The following TNNI3K variants were observed in gnomAD, a reference collection of about 807,000 sequenced individuals.
TNNI3K encodes the protein serine/threonine-protein kinase TNNI3K.
TNNI3K carries 140 observed loss-of-function variants against 114.5 expected under a neutral mutation model. That is an observed-to-expected ratio of 1.22 (90% CI 1.07 to 1.41). The LOEUF (loss-of-function observed/expected upper bound fraction) is 1.41, where lower values mean the gene tolerates loss of function less well. Among genes scored for constraint, TNNI3K ranks in the 40% most tolerant of loss-of-function variants. TNNI3K has a pLI of 0.00. For synonymous variants in TNNI3K, 347 were observed against 347.5 expected (o/e 1.00, Z 0.02); for missense variants, 1,125 against 1,007.6 (o/e 1.12, Z -1.58).
At chr1:74,258,280 C>T (rs570772448) in intron 4 of TNNI3K, among the ~76,000 whole-genome samples, 2 of 151,882 alleles carry the variant, frequency 1.3e-5, no homozygotes, top group South Asian at 4.1e-4. Flanking sequence ...CTCTGTGCAG[C>T]TTCTTCTTCT....
intron 24 of TNNI3K, 86 bp downstream of exon 24, chr1:74,540,399 A>G: frequency 1.6e-6 from 2 of 1,217,806 alleles, no homozygotes; most frequent in East Asian, 4.9e-5. Flanking sequence ...AAAGCATTGC[A>G]TATTGTAATA....
chr1:74,434,834 A>T (rs1666052770), intron 17 of TNNI3K, among the ~76,000 whole-genome samples: 1 of 152,078 alleles, frequency 6.6e-6, no homozygotes, highest in Non-Finnish European at 1.5e-5. Context: ...TCCAAAGATA[A>T]AATCAGTAGC....
chr1:74,377,875 A>G (rs1662988067), intron 17 of TNNI3K, among the ~76,000 whole-genome samples: 1 of 152,022 alleles, frequency 6.6e-6, no homozygotes, highest in African/African-American at 2.4e-5. Flanking sequence ...GGGTTTGTGG[A>G]TCTCTGTCTT....
Position 74,271,552 on chromosome 1 carries a change from C to A in TNNI3K, c.334-46C>A. ...TACATCCTGTTGCACAGCTTTTGAA[C>A]CTGTTATTAGCAGAAAAGTAACACT... On this transcript the variant is annotated intron_variant, in intron 4 of 24. Transcript: ENST00000326637. 4 of 1,522,358 alleles carry A rather than the reference C, an allele frequency of 2.6e-6. No homozygotes were observed. The South Asian group carries it at 3.8e-5, about 15-fold the overall frequency. The allele number at this position is 1,522,358 out of a possible 1,614,324, so 94.3% of individuals were successfully genotyped here.
intron 2 of TNNI3K, among the ~76,000 whole-genome samples, chr1:74,242,592 T>G (rs1654306479): frequency 6.6e-6 from 1 of 152,162 alleles, no homozygotes; most frequent in Non-Finnish European, 1.5e-5. Flanking sequence ...TGTCATCTTA[T>G]AATTAACATA....
At chr1:74,241,891 C>T (rs1654246494) in intron 2 of TNNI3K, among the ~76,000 whole-genome samples, 1 of 151,090 alleles carries the variant, frequency 6.6e-6, no homozygotes, top group Non-Finnish European at 1.5e-5. Flanking sequence ...GCTCTGTCGC[C>T]CAGGCTGGAG....
In TNNI3K at chr1:74,543,064, C is replaced by CTTTTTTTTTTTTTTTTTTTT; in HGVS notation, c.2432-832_2432-813dup. ...CTTTTCCTTTTCTTTTTCTTTTTCC[C>CTTTTTTTTTTTTTTTTTTTT]TTTTTTTTTTTTTTTTTTTTTTTTT... On this transcript the variant is annotated intron_variant, in intron 24 of 24. Coordinates refer to ENST00000326637, the MANE Select transcript of TNNI3K (RefSeq NM_015978.3). Among the ~76,000 whole-genome samples the CTTTTTTTTTTTTTTTTTTTT allele has an allele frequency of 5.3e-3, 36 of 6,750 alleles. 17 individuals are homozygous for CTTTTTTTTTTTTTTTTTTTT. Among genetic ancestry groups the CTTTTTTTTTTTTTTTTTTTT allele is most frequent in the African/African-American group, 5.5e-3 (13 of 2,370 alleles). The allele number at this position is 6,750 out of a possible 152,430, so 4.4% of individuals were successfully genotyped here.
intron 5 of TNNI3K, among the ~76,000 whole-genome samples, chr1:74,315,719 G>A (rs1274908673): frequency 6.6e-6 from 1 of 151,968 alleles, no homozygotes; most frequent in East Asian, 1.9e-4. Flanking sequence ...TCTCCTTTGT[G>A]TTAGTTTCAT....
intron 23 of TNNI3K, among the ~76,000 whole-genome samples, chr1:74,503,500 A>G (rs550209435): frequency 6.6e-6 from 1 of 152,174 alleles, no homozygotes; most frequent in Non-Finnish European, 1.5e-5. Flanking sequence ...TTACTCAGTG[A>G]CACTGTTGAC....
chr1:74,357,954 G>A (rs563898484), intron 11 of TNNI3K, among the ~76,000 whole-genome samples: 1 of 151,426 alleles, frequency 6.6e-6, no homozygotes, highest in Admixed American at 6.6e-5. Flanking sequence ...CTAATCACCA[G>A]TATGGAAAAC....
intron 5 of TNNI3K, among the ~76,000 whole-genome samples, chr1:74,294,567 A>AT (rs933010097): frequency 8.5e-5 from 13 of 152,110 alleles, no homozygotes; most frequent in African/African-American, 2.9e-4. Context: ...AGTGTGGCTT[A>AT]TTTTTTGAGA....
chr1:74,262,563 AAG>A (rs1023535863), intron 4 of TNNI3K, among the ~76,000 whole-genome samples: 1 of 152,122 alleles, frequency 6.6e-6, no homozygotes, highest in Non-Finnish European at 1.5e-5. Context: ...TCAAAAAAAA[AAG>A]AATCCCACTT....
chr1:74,370,264 G>T, intron 16 of TNNI3K, 24 bp from the exon 17 acceptor site: 1 of 1,564,414 alleles, frequency 6.4e-7, no homozygotes, highest in Non-Finnish European at 8.7e-7. Flanking sequence ...TTTCATCTCT[G>T]TTAAATCTAT....
chr1:74,316,835 G>A (rs1023034577), intron 5 of TNNI3K, among the ~76,000 whole-genome samples: 3 of 149,440 alleles, frequency 2.0e-5, no homozygotes, highest in Non-Finnish European at 3.0e-5. Flanking sequence ...GACTACAGGC[G>A]CCTGCCACCA....
chr1:74,266,004 G>A (rs570472443), intron 4 of TNNI3K, among the ~76,000 whole-genome samples: 1 of 152,054 alleles, frequency 6.6e-6, no homozygotes, highest in South Asian at 2.1e-4. Flanking sequence ...CTTCTCTGAG[G>A]TATTCTGGTT....
At chr1:74,286,912 G>T (rs1304027402) in intron 5 of TNNI3K, among the ~76,000 whole-genome samples, 4 of 152,064 alleles carry the variant, frequency 2.6e-5, no homozygotes, top group Non-Finnish European at 5.9e-5. Flanking sequence ...TTTCTGAACT[G>T]CCTGGCAAAT....
At chr1:74,345,065 A>C (rs1423397450) in intron 9 of TNNI3K, among the ~76,000 whole-genome samples, 1 of 152,026 alleles carries the variant, frequency 6.6e-6, no homozygotes, top group Non-Finnish European at 1.5e-5. Context: ...GCATGTATAT[A>C]TGTGTGTACA....
At chr1:74,264,483 T>C (rs1197450122) in intron 4 of TNNI3K, among the ~76,000 whole-genome samples, 2 of 152,048 alleles carry the variant, frequency 1.3e-5, no homozygotes, top group Non-Finnish European at 2.9e-5. Context: ...AAATTACTTT[T>C]CTAAAAAAAC....
chr1:74,522,546 A>G (rs1473666356), intron 23 of TNNI3K, among the ~76,000 whole-genome samples: 1 of 152,150 alleles, frequency 6.6e-6, no homozygotes, highest in Non-Finnish European at 1.5e-5. Context: ...GGTATTATAC[A>G]TTTAAAAAGT....
Sources: gnomAD v4.1 joint callset for allele counts (sites outside exome capture counted in the v4.1 genomes callset) on GRCh38, gnomAD v4.1.1 for gene constraint, MANE v1.5 for transcripts, NCBI Gene and HGNC (gene_info 2026-07-23, HGNC 2026-07-21) for gene names.